Variants in ARHGAP24 observed in about 807,000 individuals in gnomAD.
The protein encoded by ARHGAP24 is rho GTPase-activating protein 24.
ARHGAP24 carries 50 observed loss-of-function variants against 76.4 expected under a neutral mutation model. The observed-to-expected ratio is 0.65, with a 90% CI of 0.52 to 0.83. The LOEUF (loss-of-function observed/expected upper bound fraction) is 0.83, where lower values mean the gene tolerates loss of function less well. Among genes scored for constraint, ARHGAP24 ranks in the 40% least tolerant of loss-of-function variants. The pLI is 0.00. For synonymous variants in ARHGAP24, 345 were observed against 323.3 expected, an observed-to-expected ratio of 1.07 and a Z score of -0.72; for missense variants, 930 against 914.2, an observed-to-expected ratio of 1.02 and a Z score of -0.22.
chr4:85,956,403 C>T (rs1737903481), intron 5 of ARHGAP24, among the ~76,000 whole-genome samples: 1 of 152,100 alleles, frequency 6.6e-6, no homozygotes, highest in African/African-American at 2.4e-5. Context: ...CACATACTAC[C>T]CTTGTTACCC....
At chr4:85,576,790 C>G (rs1727395618) in intron 2 of ARHGAP24, among the ~76,000 whole-genome samples, 1 of 151,796 alleles carries the variant, frequency 6.6e-6, no homozygotes, top group Non-Finnish European at 1.5e-5. Flanking sequence ...TATTGCTTTC[C>G]TCTACACAGC....
At chr4:85,658,739 CT>C in intron 2 of ARHGAP24, among the ~76,000 whole-genome samples, 1 of 152,252 alleles carries the variant, frequency 6.6e-6, no homozygotes, top group East Asian at 1.9e-4. Flanking sequence ...TTTTTTCTCA[CT>C]TTTAGAGTAG....
chr4:85,968,372 C>T (rs2148848191), intron 5 of ARHGAP24, among the ~76,000 whole-genome samples: 1 of 152,280 alleles, frequency 6.6e-6, no homozygotes, highest in East Asian at 1.9e-4. Context: ...AGTCACTTCA[C>T]TTCACTTTGG....
At chr4:85,978,223 G>T (rs1252225914) in intron 8 of ARHGAP24, among the ~76,000 whole-genome samples, 1 of 152,142 alleles carries the variant, frequency 6.6e-6, no homozygotes, top group African/African-American at 2.4e-5. Context: ...GCAGGCCTAG[G>T]TGCTCTATGT....
At chr4:85,778,592 T>C in intron 3 of ARHGAP24, 1 of 849,494 alleles carries the variant, frequency 1.2e-6, no homozygotes, top group East Asian at 1.2e-4. Flanking sequence ...CTTTCTATGA[T>C]TCCTATTTCT....
intron 5 of ARHGAP24, among the ~76,000 whole-genome samples, chr4:85,949,913 C>T (rs912640721): frequency 6.6e-6 from 1 of 152,168 alleles, no homozygotes; most frequent in Non-Finnish European, 1.5e-5. Flanking sequence ...GGTGCATTCT[C>T]TTCTGGGGTT....
chr4:85,515,699 G>A (rs1724471437), intron 1 of ARHGAP24, among the ~76,000 whole-genome samples: 1 of 151,852 alleles, frequency 6.6e-6, no homozygotes, highest in Non-Finnish European at 1.5e-5. Flanking sequence ...CTATGGATGG[G>A]CGTTTATGCT....
intron 4 of ARHGAP24, among the ~76,000 whole-genome samples, chr4:85,934,009 T>C (rs1736494301): frequency 6.6e-6 from 1 of 152,232 alleles, no homozygotes; most frequent in Non-Finnish European, 1.5e-5. Context: ...TGTGCCTTTA[T>C]TGCTCCATGT....
In ARHGAP24 at chr4:85,788,292, A is replaced by G. The variant is rs533036501; in HGVS notation, c.268+66320A>G. On this transcript the variant is annotated intron_variant, in intron 3 of 9. Transcript: ENST00000395184. ...TTCAGCCACCTGGCAATATAAAAAA[A>G]TAAGGAAGTTATGTCTTATACACCT... 3.3e-5 allele frequency among the ~76,000 whole-genome samples: 5 copies of G among 152,354 alleles called. No individual in the cohort carries two copies. In the South Asian group the frequency reaches 6.2e-4, roughly 19 times the overall value.
intron 2 of ARHGAP24, among the ~76,000 whole-genome samples, chr4:85,717,235 T>A (rs1261065228): frequency 2.6e-5 from 4 of 152,118 alleles, no homozygotes; most frequent in Non-Finnish European, 5.9e-5. Flanking sequence ...AGTCATCTTT[T>A]ACTCTTCCTT....
At chr4:85,755,641 G>T (rs150641435) in intron 3 of ARHGAP24, among the ~76,000 whole-genome samples, 92,287 of 111,248 alleles carry the variant, frequency 0.83, 39,337 homozygotes, top group East Asian at 1. Flanking sequence ...GTTTTGTTTT[G>T]TTTTGTTTTG....
chr4:85,999,964 T>C (rs746569873), intron 9 of ARHGAP24: 3 of 157,756 alleles, frequency 1.9e-5, no homozygotes, highest in Non-Finnish European at 2.8e-5. Context: ...GGTACTCTTT[T>C]ATAAGATGGG....
intron 3 of ARHGAP24, among the ~76,000 whole-genome samples, chr4:85,867,915 A>ATT (rs1473452477): frequency 6.1e-5 from 9 of 147,838 alleles, no homozygotes; most frequent in African/African-American, 2.0e-4. Context: ...ATATACATAT[A>ATT]TGTACACACA....
intron 2 of ARHGAP24, among the ~76,000 whole-genome samples, chr4:85,697,735 G>A (rs991402500): frequency 6.6e-6 from 1 of 152,160 alleles, no homozygotes; most frequent in Non-Finnish European, 1.5e-5. Context: ...ACACTTGGAA[G>A]GACACTCCAG....
At chr4:85,624,604 A>T (rs1319795672) in intron 2 of ARHGAP24, among the ~76,000 whole-genome samples, 1 of 152,210 alleles carries the variant, frequency 6.6e-6, no homozygotes, top group Non-Finnish European at 1.5e-5. Flanking sequence ...GCCTCATAAA[A>T]TGAGTTATGG....
chr4:85,798,547 A>G (rs1728457824), intron 3 of ARHGAP24, among the ~76,000 whole-genome samples: 2 of 152,288 alleles, frequency 1.3e-5, no homozygotes, highest in East Asian at 3.9e-4. Flanking sequence ...GCATGTAAAA[A>G]CTTGCAAAAC....
chr4:85,709,955 G>C (rs1356637749), intron 2 of ARHGAP24, among the ~76,000 whole-genome samples: 1 of 152,090 alleles, frequency 6.6e-6, no homozygotes, highest in Admixed American at 6.6e-5. Context: ...TAAATTTATA[G>C]ATTTAATGCT....
chr4:85,857,923 C>T (rs1332607648), intron 3 of ARHGAP24, among the ~76,000 whole-genome samples: 1 of 152,128 alleles, frequency 6.6e-6, no homozygotes, highest in Non-Finnish European at 1.5e-5. Flanking sequence ...TCTATTAATT[C>T]TGAGTCCATG....
intron 3 of ARHGAP24, among the ~76,000 whole-genome samples, chr4:85,751,103 T>A (rs962038397): frequency 3.3e-5 from 5 of 152,234 alleles, no homozygotes; most frequent in African/African-American, 1.2e-4. Context: ...ACATTATTTA[T>A]GTGTTTATTT....
Sources: gnomAD v4.1 joint callset for allele counts (sites outside exome capture counted in the v4.1 genomes callset) on GRCh38, gnomAD v4.1.1 for gene constraint, MANE v1.5 for transcripts, NCBI Gene and HGNC (gene_info 2026-07-23, HGNC 2026-07-21) for gene names.